The following OR51B5 variants were observed in gnomAD, a reference collection of about 807,000 sequenced individuals.
OR51B5 encodes olfactory receptor 51B5.
For missense variants in OR51B5, 456 were observed against 374.6 expected (o/e 1.22, Z -1.79); for synonymous variants, 186 against 144.8 (o/e 1.28, Z -2.04).
At chr11:5,376,064 A>T (rs920151335) in intron 1 of OR51B5, among the ~76,000 whole-genome samples, 1 of 152,192 alleles carries the variant, frequency 6.6e-6, no homozygotes, top group African/African-American at 2.4e-5. Context: ...ACTTGGAAGT[A>T]AAGCTCTCCT....
intron 1 of OR51B5, chr11:5,393,267 G>A (rs1381277081): frequency 6.6e-6 from 1 of 152,106 alleles, no homozygotes; most frequent in Non-Finnish European, 1.5e-5. Flanking sequence ...TTTTAAGAAT[G>A]TAAGCATACA....
chr11:5,410,833 G>A (rs1019998736), intron 1 of OR51B5, among the ~76,000 whole-genome samples: 1 of 151,946 alleles, frequency 6.6e-6, no homozygotes, highest in African/African-American at 2.4e-5. Flanking sequence ...TAACAAAAAT[G>A]TTTAAAAAGT....
At chr11:5,494,196 G>C (rs181598541) in intron 1 of OR51B5, among the ~76,000 whole-genome samples, 1 of 152,198 alleles carries the variant, frequency 6.6e-6, no homozygotes, top group Non-Finnish European at 1.5e-5. Context: ...TTTAGCAAAT[G>C]CATTAATGTG....
At chr11:5,427,298 A>G (rs1850465574) in intron 1 of OR51B5, among the ~76,000 whole-genome samples, 1 of 152,264 alleles carries the variant, frequency 6.6e-6, no homozygotes, top group Admixed American at 6.5e-5. Flanking sequence ...GAATCTTCAC[A>G]GAGAATGAAA....
chr11:5,488,659 C>G, intron 1 of OR51B5: 1 of 1,217,274 alleles, frequency 8.2e-7, no homozygotes, highest in Non-Finnish European at 1.2e-6. Context: ...TGTTACAGGG[C>G]AAGCATAACA....
intron 1 of OR51B5, among the ~76,000 whole-genome samples, chr11:5,464,301 A>G (rs897097879): frequency 2.0e-5 from 3 of 152,208 alleles, no homozygotes; most frequent in Admixed American, 1.3e-4. Context: ...TAATTTTTTA[A>G]TTATACTTTA....
chr11:5,412,393 T>C (rs7126147), intron 1 of OR51B5, among the ~76,000 whole-genome samples: 124,841 of 151,928 alleles, frequency 0.82, 52,122 homozygotes, highest in Non-Finnish European at 0.89. Context: ...TGCATTTCCA[T>C]CTGAGGTATC....
intron 1 of OR51B5, among the ~76,000 whole-genome samples, chr11:5,486,460 G>C (rs966039769): frequency 7.0e-6 from 1 of 143,638 alleles, no homozygotes; most frequent in African/African-American, 2.6e-5. Context: ...AGGAGGAGGA[G>C]AGGGAAGAAA....
At chr11:5,486,455 G>A (rs1373865322) in intron 1 of OR51B5, among the ~76,000 whole-genome samples, 1 of 148,450 alleles carries the variant, frequency 6.7e-6, no homozygotes, top group Non-Finnish European at 1.5e-5. Flanking sequence ...ACCTGAGGAG[G>A]AGGAGAGGGA....
At chr11:5,487,803 C>T (rs1001086532) in intron 1 of OR51B5, among the ~76,000 whole-genome samples, 1 of 152,120 alleles carries the variant, frequency 6.6e-6, no homozygotes. Context: ...TATACGCTGG[C>T]TTTGTCATGG....
chr11:5,347,872 T>C (rs1290176384), upstream of OR51B5, among the ~76,000 whole-genome samples: 1 of 152,074 alleles, frequency 6.6e-6, no homozygotes, highest in African/African-American at 2.4e-5. Flanking sequence ...CTAAAATAAA[T>C]GTTCCTACCA....
intron 1 of OR51B5, among the ~76,000 whole-genome samples, chr11:5,438,645 G>A (rs538999825): frequency 1.7e-4 from 26 of 152,076 alleles, no homozygotes; most frequent in African/African-American, 6.3e-4. Flanking sequence ...ATTAAATGAG[G>A]GCATAAGTCA....
upstream of OR51B5, among the ~76,000 whole-genome samples, chr11:5,347,133 G>C (rs563702490): frequency 5.3e-5 from 8 of 152,202 alleles, no homozygotes; most frequent in Admixed American, 2.6e-4. Context: ...TTTATGTGTG[G>C]GGAATCAGAC....
intron 1 of OR51B5, chr11:5,488,576 C>G: frequency 1.4e-6 from 1 of 718,414 alleles, no homozygotes; most frequent in South Asian, 1.9e-5. Context: ...AAGTGAAAAA[C>G]AAATTTTTTT....
rs1169531825 is a variant in OR51B5, at chr11:5,501,542, T to C, written n.84+4027A>G. Among the ~76,000 whole-genome samples the C allele has an allele frequency of 2.7e-5, 4 of 147,746 alleles. 1 individual carries two copies. ...TCTTGCTGATAATTTTCCTCTTGTC[T>C]AAGAAGCTTGACCACACTGGCTTCT... On this transcript the variant is annotated intron_variant and non_coding_transcript_variant, in intron 1 of 4. Transcript: ENST00000415970.
intron 1 of OR51B5, among the ~76,000 whole-genome samples, chr11:5,504,401 C>T (rs1846343872): frequency 1.3e-5 from 2 of 152,168 alleles, no homozygotes; most frequent in Non-Finnish European, 2.9e-5. Context: ...AAGGGCCATG[C>T]AGTAGGCCCA....
intron 1 of OR51B5, among the ~76,000 whole-genome samples, chr11:5,386,413 T>A (rs933598330): frequency 2.6e-5 from 4 of 152,186 alleles, no homozygotes; most frequent in African/African-American, 9.7e-5. Flanking sequence ...TTGTTTACCT[T>A]TTTGTAGTTT....
intron 1 of OR51B5, chr11:5,392,692 C>G (rs1849814133): frequency 6.6e-6 from 1 of 152,238 alleles, no homozygotes; most frequent in Non-Finnish European, 1.5e-5. Context: ...GCGGGTGGAT[C>G]ACGAGGTCAG....
intron 1 of OR51B5, among the ~76,000 whole-genome samples, chr11:5,465,984 T>C (rs1296004835): frequency 6.6e-6 from 1 of 151,526 alleles, no homozygotes; most frequent in Admixed American, 6.6e-5. Flanking sequence ...AAAGAGCTTC[T>C]GCACAGCAAA....
Sources: gnomAD v4.1 joint callset for allele counts (sites outside exome capture counted in the v4.1 genomes callset) on GRCh38, gnomAD v4.1.1 for gene constraint, MANE v1.5 for transcripts, NCBI Gene and HGNC (gene_info 2026-07-23, HGNC 2026-07-21) for gene names.